The following FAT3 variants were observed in gnomAD, a reference collection of about 807,000 sequenced individuals.
The protein encoded by FAT3 is FAT atypical cadherin 3.
Under a neutral mutation model 310.2 loss-of-function variants are expected in FAT3, and 95 were observed. The observed-to-expected ratio is 0.31, with a 90% CI of 0.26 to 0.36. The LOEUF (loss-of-function observed/expected upper bound fraction) is 0.36, where lower values mean the gene tolerates loss of function less well. Ranked by LOEUF, FAT3 falls within the 10% of genes least tolerant of loss-of-function variation. The pLI is 1.00. For missense variants in FAT3, 5,408 were observed against 5,715.6 expected (o/e 0.95, Z 1.74); for synonymous variants, 2,314 against 2,192.9 (o/e 1.06, Z -1.54).
chr11:92,353,459 C>G lies in FAT3; in HGVS notation c.1347C>G (p.Asn449Lys), dbSNP rs377196713. Reference sequence around the variant, plus strand: ...AGGTTTATAAACTGGAGGTGACAAACAAGGAAGGAGATTTAAAAGCACAGG... The same window carrying G: ...AGGTTTATAAACTGGAGGTGACAAAGAAGGAAGGAGATTTAAAAGCACAGG... ...KKEVYKLEVT[N>K]KEGDLKAQVT... is the part of the protein sequence containing the mutation. Residue 449 changes from asparagine (N) to lysine (K), a missense_variant, in exon 2 of 28, where the codon AAC (asparagine) becomes AAG (lysine). Physicochemically the swap from Asn to Lys is moderately conservative, Grantham distance 94. Coordinates refer to ENST00000525166, the MANE Select transcript of FAT3 (RefSeq NM_001367949.2). The G allele has an allele frequency of 1.2e-6, 2 of 1,613,466 alleles. No individual in the cohort carries two copies. Among genetic ancestry groups the G allele is most frequent in the South Asian group, 1.1e-5 (1 of 90,996 alleles).
At chr11:92,877,757 T>A (rs1406753082) in intron 22 of FAT3, among the ~76,000 whole-genome samples, 2 of 152,178 alleles carry the variant, frequency 1.3e-5, no homozygotes, top group African/African-American at 4.8e-5. Context: ...AGAAATCATC[T>A]CATTTGGAAG....
intron 1 of FAT3, among the ~76,000 whole-genome samples, chr11:92,288,361 G>T (rs1946609573): frequency 6.6e-6 from 1 of 152,126 alleles, no homozygotes; most frequent in African/African-American, 2.4e-5. Flanking sequence ...AAATTCTAAA[G>T]ATCTGCTCTA....
chr11:92,881,108 C>T (rs945408291), intron 23 of FAT3, among the ~76,000 whole-genome samples: 4 of 152,134 alleles, frequency 2.6e-5, no homozygotes, highest in Non-Finnish European at 5.9e-5. Flanking sequence ...TTTATGTTTC[C>T]CTATACCTTC....
chr11:92,376,849 A>G (rs1043598853), intron 2 of FAT3, among the ~76,000 whole-genome samples: 2 of 152,226 alleles, frequency 1.3e-5, no homozygotes, highest in South Asian at 4.1e-4. Context: ...TGAGAAATGC[A>G]GAAAATATTG....
At chr11:92,632,374 A>G (rs1941587669) in intron 3 of FAT3, among the ~76,000 whole-genome samples, 2 of 152,222 alleles carry the variant, frequency 1.3e-5, no homozygotes, top group African/African-American at 4.8e-5. Flanking sequence ...GTTTCCCAGG[A>G]TGCTTTCATG....
chr11:92,875,447 A>G (rs1949507915), intron 22 of FAT3, among the ~76,000 whole-genome samples: 1 of 150,912 alleles, frequency 6.6e-6, no homozygotes, highest in Admixed American at 6.6e-5. Context: ...ACCATGACAA[A>G]GCAATCAGCT....
intron 1 of FAT3, among the ~76,000 whole-genome samples, chr11:92,284,169 A>G (rs1257540716): frequency 1.3e-5 from 2 of 152,056 alleles, no homozygotes; most frequent in African/African-American, 4.8e-5. Context: ...GTGGTATAGG[A>G]GGAGACATTT....
intron 2 of FAT3, among the ~76,000 whole-genome samples, chr11:92,405,456 G>A (rs1565290355): frequency 6.6e-6 from 1 of 152,140 alleles, no homozygotes; most frequent in South Asian, 2.1e-4. Context: ...TCTAAGGATG[G>A]CATTCAAACA....
chr11:92,506,617 A>G (rs954358347), intron 2 of FAT3, among the ~76,000 whole-genome samples: 1 of 152,100 alleles, frequency 6.6e-6, no homozygotes, highest in Admixed American at 6.6e-5. Context: ...TCACACTATT[A>G]TTGCCTTTTT....
intron 2 of FAT3, among the ~76,000 whole-genome samples, chr11:92,442,024 T>TA (rs1364487518): frequency 6.7e-6 from 1 of 149,046 alleles, no homozygotes; most frequent in African/African-American, 2.5e-5. Context: ...GGTCTCCTAT[T>TA]GAAGCCCTAA....
chr11:92,421,473 A>G (rs1018673438), intron 2 of FAT3, among the ~76,000 whole-genome samples: 9 of 152,154 alleles, frequency 5.9e-5, no homozygotes, highest in African/African-American at 2.2e-4. Context: ...AGGCATCTGA[A>G]TTATTTTTTC....
At chr11:92,394,953 G>A (rs1949834426) in intron 2 of FAT3, among the ~76,000 whole-genome samples, 1 of 152,142 alleles carries the variant, frequency 6.6e-6, no homozygotes, top group Admixed American at 6.6e-5. Context: ...TTAAGGCAGG[G>A]ATGTCTGTTT....
chr11:92,798,212 C>T lies in FAT3; in HGVS notation c.5199C>T (p.Arg1733=). 1.2e-6 allele frequency: 2 copies of T among 1,613,938 alleles called. No individual in the cohort carries two copies. Among genetic ancestry groups the T allele is most frequent in the Non-Finnish European group, 1.7e-6 (2 of 1,179,864 alleles). ...ITTQKALDYE[R]TSSYQLIIQA... The stretch of plus-strand genomic sequence containing the variant: ...CTCAGAAGGCCCTGGATTATGAGCG[C>T]ACATCCTCTTATCAACTCATCATTC... Residue 1733 remains arginine, a synonymous_variant, in exon 10 of 28, where the codon CGC becomes CGT. Transcript: ENST00000525166.
At chr11:92,552,648 A>G (rs1954859015) in intron 3 of FAT3, among the ~76,000 whole-genome samples, 1 of 152,194 alleles carries the variant, frequency 6.6e-6, no homozygotes, top group African/African-American at 2.4e-5. Flanking sequence ...TATTTACAAG[A>G]TAAATAACAA....
At chr11:92,668,392 G>A (rs1407419679) in intron 3 of FAT3, among the ~76,000 whole-genome samples, 1 of 152,176 alleles carries the variant, frequency 6.6e-6, no homozygotes, top group East Asian at 1.9e-4. Flanking sequence ...TTCAGGATAG[G>A]ATATCAGAGT....
intron 2 of FAT3, among the ~76,000 whole-genome samples, chr11:92,516,500 G>C (rs1312690450): frequency 6.6e-6 from 1 of 151,988 alleles, no homozygotes; most frequent in Non-Finnish European, 1.5e-5. Context: ...AAAATAATAA[G>C]AGCTATTTAT....
intron 2 of FAT3, among the ~76,000 whole-genome samples, chr11:92,477,091 G>T (rs1264296446): frequency 3.3e-5 from 5 of 152,190 alleles, no homozygotes; most frequent in African/African-American, 1.2e-4. Flanking sequence ...GTTCGTTAAT[G>T]AACTTTAGTA....
At position 92,307,918 on chromosome 11, in the gene FAT3, A is replaced by G. The variant is rs184311200; in HGVS notation, c.-17-44178A>G. On this transcript the variant is annotated intron_variant, in intron 1 of 27. Coordinates refer to ENST00000525166, the MANE Select transcript of FAT3 (RefSeq NM_001367949.2). ...ATTAGTAATCTCTTTCTTTATGAAC[A>G]TTTTTATTGAGCTTATTCTTATGGA... is the stretch of plus-strand genomic sequence containing the variant. Among the ~76,000 whole-genome samples, 46 of 152,174 alleles carry G rather than the reference A, an allele frequency of 3.0e-4. No individual in the cohort carries two copies. The East Asian group carries it at 8.3e-3, about 27-fold the overall frequency.
chr11:92,426,492 C>A (rs900462232), intron 2 of FAT3, among the ~76,000 whole-genome samples: 1 of 151,990 alleles, frequency 6.6e-6, no homozygotes, highest in Non-Finnish European at 1.5e-5. Flanking sequence ...TTTCTTCTAG[C>A]GTTTTTATGG....
Sources: gnomAD v4.1 joint callset for allele counts (sites outside exome capture counted in the v4.1 genomes callset) on GRCh38, gnomAD v4.1.1 for gene constraint, MANE v1.5 for transcripts, NCBI Gene and HGNC (gene_info 2026-07-23, HGNC 2026-07-21) for gene names.